The following EMG1 variants were observed in gnomAD, a reference collection of about 807,000 sequenced individuals.
The protein encoded by EMG1 is ribosomal RNA small subunit methyltransferase NEP1.
Under a neutral mutation model 26.9 loss-of-function variants are expected in EMG1, and 24 were observed. The ratio of observed to expected loss-of-function variants is 0.89; its 90% CI spans 0.65 to 1.26. The LOEUF is 1.26. EMG1 is among the 50% of genes most tolerant of loss of function. The pLI is 0.00. For synonymous variants in EMG1, 140 were observed against 112.6 expected (o/e 1.24, Z -1.54); for missense variants, 299 against 307.6 (o/e 0.97, Z 0.21).
Position 6,977,472 on chromosome 12 carries a change from A to G in EMG1, c.*1663A>G. 6.2e-7 allele frequency: 1 copy of G among 1,614,220 alleles called. No homozygotes were observed. The highest frequency in any genetic ancestry group is 8.5e-7 in the Non-Finnish European group (1 of 1,180,032). On this transcript the variant is annotated 3_prime_UTR_variant, in exon 6 of 6. Transcript: ENST00000599672. This position sits in a 1 kb window ranked among gnomAD's most constrained non-coding sequence, Gnocchi z 4.5. ...CCAAATAGTAGAAGGGCTGGAGGAC[A>G]GTAATGGCGGCCAGCTTGCTCAGGG...
Position 6,974,584 on chromosome 12 carries a change from C to T in EMG1, c.303C>T (p.Asn101=). 1 of 1,613,978 alleles carries T rather than the reference C, an allele frequency of 6.2e-7. No homozygotes were observed. Among genetic ancestry groups the T allele is most frequent in the Non-Finnish European group, 8.5e-7 (1 of 1,179,876 alleles). Residue 101 remains asparagine, a synonymous_variant, in exon 3 of 6, where the codon AAC becomes AAT. Coordinates refer to ENST00000599672, the MANE Select transcript of EMG1 (RefSeq NM_006331.8). Reference sequence around the variant, plus strand: ...TGATGCTGATGGATAGTCCCCTGAACCGAGCTGGCTTGCTACAGGTTTATA... The same window carrying T: ...TGATGCTGATGGATAGTCCCCTGAATCGAGCTGGCTTGCTACAGGTTTATA... ...SLLMLMDSPL[N]RAGLLQVYIH... is the part of the protein sequence containing the mutation.
chr12:6,983,602 G>T, downstream of EMG1: 1 of 1,067,852 alleles, frequency 9.4e-7, no homozygotes. Flanking sequence ...GTTTGGTTTG[G>T]AAGTTTATCT....
At chr12:6,983,267 A>C, downstream of EMG1, 2 of 592,062 alleles carry the variant, frequency 3.4e-6, 1 homozygote, top group South Asian at 4.0e-5. Flanking sequence ...TACATAAAAG[A>C]AAAAAAGGAA....
In EMG1 at chr12:6,975,073, T is replaced by A; in HGVS notation, c.413-17T>A. 1 of 1,612,026 alleles carries A rather than the reference T, an allele frequency of 6.2e-7. No individual in the cohort carries two copies. ...GTGGTCTCCATCTAGCTCTGAACTC[T>A]TTTTTCCCCCTTCTAGTTCAACTTT... On this transcript the variant is annotated splice_polypyrimidine_tract_variant and intron_variant, in intron 3 of 5. Transcript: ENST00000599672.
chr12:6,977,650 C>T lies in EMG1; in HGVS notation c.*1841C>T. 1 of 1,614,230 alleles carries T rather than the reference C, an allele frequency of 6.2e-7. No individual in the cohort carries two copies. The highest frequency in any genetic ancestry group is 8.5e-7 in the Non-Finnish European group (1 of 1,180,036). On this transcript the variant is annotated 3_prime_UTR_variant, in exon 6 of 6. Transcript: ENST00000599672. This position sits in a 1 kb window ranked among gnomAD's most constrained non-coding sequence, Gnocchi z 4.5. ...TTCCATCTGGAAGCAGACCAGGTAT[C>T]CTGAGTGCAGGCCGTGCCAGAGGGC... is the stretch of plus-strand genomic sequence containing the variant.
chr12:6,976,981 A>T lies in EMG1; in HGVS notation c.*1172A>T, dbSNP rs1331699578. 1.6e-6 allele frequency: 1 copy of T among 618,916 alleles called. No individual in the cohort carries two copies. The highest frequency in any genetic ancestry group is 2.9e-6 in the Non-Finnish European group (1 of 343,752). 38.3% of individuals were successfully genotyped at this position (618,916 alleles called of 1,614,324 possible). On this transcript the variant is annotated 3_prime_UTR_variant, in exon 6 of 6. Coordinates refer to ENST00000599672, the MANE Select transcript of EMG1 (RefSeq NM_006331.8). ...TCCAGATGTTTCCTAGCATGCCTCA[A>T]TAAGTCACAGTAGTCATTGCCCATA...
chr12:6,982,966 AT>A, downstream of EMG1: 1 of 669,800 alleles, frequency 1.5e-6, no homozygotes, highest in Non-Finnish European at 2.7e-6. Context: ...TTAGGGTGTT[AT>A]TTTATTTCTT....
Position 6,977,811 on chromosome 12 carries a change from T to A in EMG1, c.*2002T>A. The A allele has an allele frequency of 1.9e-6, 3 of 1,578,140 alleles. No individual in the cohort carries two copies. The highest frequency in any genetic ancestry group is 1.1e-5 in the South Asian group (1 of 88,290). On this transcript the variant is annotated 3_prime_UTR_variant, in exon 6 of 6. Coordinates refer to ENST00000599672, the MANE Select transcript of EMG1 (RefSeq NM_006331.8). The surrounding 1 kb of genome is among the most constrained non-coding windows in gnomAD (Gnocchi z 4.5). ...GTCCTTGCATCCCGCCACCTGCCTC[T>A]GGGTCCTCACCCTGAGGATTGGATT...
In EMG1 at chr12:6,977,246, T is replaced by C. The variant is rs782685375; in HGVS notation, c.*1437T>C. Reference sequence around the variant, plus strand: ...CAGGAAGAAGATGTGGCCAAGGAAATAGATGGATTTATACACCTGTGGAGA... The same window carrying C: ...CAGGAAGAAGATGTGGCCAAGGAAACAGATGGATTTATACACCTGTGGAGA... On this transcript the variant is annotated 3_prime_UTR_variant, in exon 6 of 6. Coordinates refer to ENST00000599672, the MANE Select transcript of EMG1 (RefSeq NM_006331.8). This position sits in a 1 kb window ranked among gnomAD's most constrained non-coding sequence, Gnocchi z 4.5. 3 of 1,613,324 alleles carry C rather than the reference T, an allele frequency of 1.9e-6. No individual in the cohort carries two copies. The highest frequency in any genetic ancestry group is 2.5e-6 in the Non-Finnish European group (3 of 1,179,452).
chr12:6,972,064 C>T (rs1279838462), intron 1 of EMG1, among the ~76,000 whole-genome samples: 3 of 143,168 alleles, frequency 2.1e-5, no homozygotes, highest in African/African-American at 5.2e-5. Flanking sequence ...GTTCTAAATA[C>T]ACTTTTTTTT....
At chr12:6,982,020 T>C, downstream of EMG1, 1 of 655,378 alleles carries the variant, frequency 1.5e-6, no homozygotes, top group South Asian at 1.8e-5. Context: ...AAAGCCTTAA[T>C]AAATTCCTAC....
At chr12:6,990,547 AAATAAATAAATAAATAAATT>A (rs782512654), downstream of EMG1, among the ~76,000 whole-genome samples, 1,415 of 148,538 alleles carry the variant, frequency 9.5e-3, 19 homozygotes, top group African/African-American at 0.033. Context: ...ATAAATAAAT[AAATAAATAAATAAATAAATT>A]GAGCACCCCA....
chr12:6,988,003 C>T (rs979775617), intron 7 of EMG1, among the ~76,000 whole-genome samples: 40 of 152,076 alleles, frequency 2.6e-4, no homozygotes, highest in African/African-American at 9.2e-4. Flanking sequence ...TCTCCCTACT[C>T]CTAATTTACG....
At chr12:6,994,830 G>A (rs1312248830) in intron 7 of EMG1, among the ~76,000 whole-genome samples, 4 of 152,076 alleles carry the variant, frequency 2.6e-5, no homozygotes, top group East Asian at 1.9e-4. Flanking sequence ...CCATCTTTCC[G>A]TTTCTTTCAC....
chr12:6,977,282 T>G lies in EMG1; in HGVS notation c.*1473T>G, dbSNP rs1946415529. 1 of 1,610,900 alleles carries G rather than the reference T, an allele frequency of 6.2e-7. No individual in the cohort carries two copies. Among genetic ancestry groups the G allele is most frequent in the South Asian group, 1.1e-5 (1 of 91,018 alleles). ...ATACACCTGTGGAGAGAGAGGCCAC[T>G]AAGGTAGACAGGCCTGGAGTGTCCT... On this transcript the variant is annotated 3_prime_UTR_variant, in exon 6 of 6. Transcript: ENST00000599672. This position sits in a 1 kb window ranked among gnomAD's most constrained non-coding sequence, Gnocchi z 4.5.
chr12:6,975,621 G>GT, intron 5 of EMG1, 75 bp from the exon 6 acceptor site: 1 of 1,108,414 alleles, frequency 9.0e-7, no homozygotes, highest in East Asian at 2.3e-5. Flanking sequence ...CTCAGCCATA[G>GT]TTTTCCTGCC....
Position 6,987,003 on chromosome 12 carries a change from C to T in EMG1, c.*155-779C>T, listed in dbSNP as rs1458978818. On this transcript the variant is annotated intron_variant and NMD_transcript_variant, in intron 6 of 7. Coordinates refer to the EMG1 transcript ENST00000261406. The surrounding 1 kb of genome is among the most constrained non-coding windows in gnomAD (Gnocchi z 4.1). Reference sequence around the variant, plus strand: ...GTGCAGGCACCTGTAATCCCACCTACTTGGGAAGCTGAGGCAGGAGAATTG... The same window carrying T: ...GTGCAGGCACCTGTAATCCCACCTATTTGGGAAGCTGAGGCAGGAGAATTG... Among the ~76,000 whole-genome samples, 3 of 151,782 alleles carry T rather than the reference C, an allele frequency of 2.0e-5. No homozygotes were observed. Among genetic ancestry groups the T allele is most frequent in the Non-Finnish European group, 4.4e-5 (3 of 67,984 alleles).
chr12:6,994,512 G>A (rs1466211325), intron 7 of EMG1, among the ~76,000 whole-genome samples: 3 of 151,378 alleles, frequency 2.0e-5, no homozygotes, highest in African/African-American at 7.3e-5. Context: ...TGTTGCCCAC[G>A]CTGGAGTGCA....
chr12:6,981,686 T>G (rs1555154106), downstream of EMG1: 9 of 1,329,338 alleles, frequency 6.8e-6, no homozygotes, highest in Non-Finnish European at 9.2e-6. Flanking sequence ...ACTGAGGATG[T>G]GGCCTGTAGA....
Sources: allele counts gnomAD v4.1 joint callset (sites outside exome capture counted in the v4.1 genomes callset), GRCh38; gene constraint gnomAD v4.1.1; non-coding constraint Gnocchi (gnomAD v3.1); transcripts MANE v1.5; gene names NCBI Gene and HGNC (gene_info 2026-07-23, HGNC 2026-07-21).